Variants in NRXN3 observed in about 807,000 individuals in gnomAD.
NRXN3 encodes neurexin III.
A neutral mutation model predicts 137.6 loss-of-function variants in NRXN3; 32 were observed. The ratio of observed to expected loss-of-function variants is 0.23; its 90% CI spans 0.18 to 0.31. The LOEUF (loss-of-function observed/expected upper bound fraction) is 0.31. Among genes scored for constraint, NRXN3 ranks in the 10% least tolerant of loss-of-function variants. The pLI, the probability that NRXN3 is intolerant of heterozygous loss-of-function variation, is 1.00. For synonymous variants in NRXN3, 798 were observed against 784.5 expected (o/e 1.02, Z -0.29); for missense variants, 1,574 against 2,062.5 (o/e 0.76, Z 4.59).
chr14:79,212,283 G>A (rs2067786966), intron 15 of NRXN3, among the ~76,000 whole-genome samples: 9 of 152,138 alleles, frequency 5.9e-5, no homozygotes. Context: ...AAATCCCCTT[G>A]TCTGTGATTT....
intron 15 of NRXN3, among the ~76,000 whole-genome samples, chr14:79,212,680 C>G (rs748603728): frequency 6.6e-6 from 1 of 152,104 alleles, no homozygotes; most frequent in East Asian, 1.9e-4. Context: ...GAGACAAACA[C>G]ACAAGCCCTA....
chr14:78,603,924 C>T (rs922375961), intron 4 of NRXN3, among the ~76,000 whole-genome samples: 4 of 152,088 alleles, frequency 2.6e-5, no homozygotes, highest in Non-Finnish European at 5.9e-5. Context: ...TGTATTAGTC[C>T]GTTCTTATGC....
intron 15 of NRXN3, among the ~76,000 whole-genome samples, chr14:79,227,031 G>T (rs141297728): frequency 6.6e-6 from 1 of 151,898 alleles, no homozygotes; most frequent in Non-Finnish European, 1.5e-5. Flanking sequence ...TATTGGTCAG[G>T]CTGCTCTTGA....
At position 79,865,539 on chromosome 14, in the gene NRXN3, G is replaced by C. The variant is rs1342854624; in HGVS notation, c.*3575G>C. 1 of 152,042 alleles carries C rather than the reference G, an allele frequency of 6.6e-6. No individual in the cohort carries two copies. 9.4% of individuals were successfully genotyped at this position (152,042 alleles called of 1,614,324 possible). On this transcript the variant is annotated 3_prime_UTR_variant, in exon 21 of 21. Coordinates refer to ENST00000335750, the MANE Select transcript of NRXN3 (RefSeq NM_001330195.2). ...ACATTAGTGGAGTGGTTATACTATC[G>C]ACTATGTTAGGAATGGGGGGGAGAA...
chr14:79,629,563 G>A (rs1028408788), intron 16 of NRXN3, among the ~76,000 whole-genome samples: 4 of 152,084 alleles, frequency 2.6e-5, no homozygotes, highest in Non-Finnish European at 5.9e-5. Flanking sequence ...TAGGGTTGGG[G>A]ACTAGAATTT....
intron 18 of NRXN3, among the ~76,000 whole-genome samples, chr14:79,693,567 AAACCTTTTTGTTTCTTT>A (rs2098724028): frequency 1.3e-5 from 2 of 151,944 alleles, no homozygotes; most frequent in Admixed American, 6.6e-5. Context: ...TGTGCCTGAG[AAACCTTTTTGTTTCTTT>A]CAATTTTATG....
chr14:79,391,390 A>G (rs1357025957), intron 15 of NRXN3, among the ~76,000 whole-genome samples: 3 of 152,214 alleles, frequency 2.0e-5, no homozygotes, highest in Non-Finnish European at 4.4e-5. Flanking sequence ...ACTCTTGGAC[A>G]GCCTGTTAGG....
At chr14:79,702,918 T>G (rs981328046) in intron 19 of NRXN3, among the ~76,000 whole-genome samples, 39 of 78,668 alleles carry the variant, frequency 5.0e-4, no homozygotes, top group African/African-American at 1.8e-3. Flanking sequence ...CATCCTGAGT[T>G]ATCAGCAGAA....
chr14:79,426,617 C>T (rs928114366), intron 15 of NRXN3, among the ~76,000 whole-genome samples: 3 of 152,154 alleles, frequency 2.0e-5, no homozygotes, highest in Non-Finnish European at 4.4e-5. Flanking sequence ...TGAAGGTTAA[C>T]GTGCTGTGTT....
At chr14:79,114,512 T>G (rs2054064760) in intron 15 of NRXN3, among the ~76,000 whole-genome samples, 1 of 152,188 alleles carries the variant, frequency 6.6e-6, no homozygotes, top group Non-Finnish European at 1.5e-5. Flanking sequence ...TAAAATAATA[T>G]GATAAAATAC....
intron 4 of NRXN3, among the ~76,000 whole-genome samples, chr14:78,455,816 AATTT>A: frequency 6.6e-6 from 1 of 152,056 alleles, no homozygotes; most frequent in Non-Finnish European, 1.5e-5. Context: ...CCCAGAACTC[AATTT>A]GTTGAGCTGC....
chr14:78,233,000 G>C (rs1049088267), intron 1 of NRXN3, among the ~76,000 whole-genome samples: 9 of 152,230 alleles, frequency 5.9e-5, no homozygotes, highest in Non-Finnish European at 1.3e-4. Flanking sequence ...GTTTGTTGTT[G>C]TTGTTGGTTT....
intron 15 of NRXN3, among the ~76,000 whole-genome samples, chr14:79,118,336 T>C (rs1596151136): frequency 6.6e-6 from 1 of 152,336 alleles, no homozygotes; most frequent in African/African-American, 2.4e-5. Context: ...GGGCACATAG[T>C]AGGGCTGTGC....
chr14:78,692,682 G>C (rs141279453), intron 6 of NRXN3, among the ~76,000 whole-genome samples: 230 of 152,272 alleles, frequency 1.5e-3, no homozygotes, highest in African/African-American at 5.4e-3. Flanking sequence ...TTGTGAGCTT[G>C]GACAAGTCAT....
chr14:79,836,863 G>C (rs2099345184), intron 20 of NRXN3, among the ~76,000 whole-genome samples: 1 of 152,078 alleles, frequency 6.6e-6, no homozygotes, highest in African/African-American at 2.4e-5. Context: ...TTTTGTCCAT[G>C]GTTCTATTGC....
chr14:78,998,435 A>G (rs1598377021), intron 15 of NRXN3, among the ~76,000 whole-genome samples: 1 of 152,252 alleles, frequency 6.6e-6, no homozygotes, highest in East Asian at 1.9e-4. Context: ...CATTTATTTT[A>G]GGGAAAAGCC....
At chr14:79,227,026 G>A (rs1418061128) in intron 15 of NRXN3, among the ~76,000 whole-genome samples, 1 of 151,710 alleles carries the variant, frequency 6.6e-6, no homozygotes, top group African/African-American at 2.4e-5. Flanking sequence ...CACCATATTG[G>A]TCAGGCTGCT....
chr14:78,835,272 C>T (rs574086336), intron 10 of NRXN3, among the ~76,000 whole-genome samples: 2 of 152,252 alleles, frequency 1.3e-5, no homozygotes, highest in South Asian at 2.1e-4. Flanking sequence ...GCAGCCACCC[C>T]GTATGGGATT....
chr14:79,686,218 C>A (rs1294952357), intron 17 of NRXN3, among the ~76,000 whole-genome samples: 1 of 151,884 alleles, frequency 6.6e-6, no homozygotes, highest in East Asian at 1.9e-4. Flanking sequence ...CACCACTGCA[C>A]TCCAGCCTGC....
Sources: allele counts gnomAD v4.1 joint callset (sites outside exome capture counted in the v4.1 genomes callset), GRCh38; gene constraint gnomAD v4.1.1; transcripts MANE v1.5; gene names NCBI Gene and HGNC (gene_info 2026-07-23, HGNC 2026-07-21).